Variants in NAGS observed in about 807,000 individuals in gnomAD.
The protein encoded by NAGS is N-acetylglutamate synthase, mitochondrial.
A neutral mutation model predicts 46.9 loss-of-function variants in NAGS; 34 were observed. That is an observed-to-expected ratio of 0.72 (90% confidence interval 0.55 to 0.97). The LOEUF is 0.97. NAGS is among the 50% of genes least tolerant of loss of function. NAGS has a pLI of 0.00. For synonymous variants in NAGS, 334 were observed against 346.3 expected, an observed-to-expected ratio of 0.96 and a Z score of 0.39; for missense variants, 665 against 747.0, an observed-to-expected ratio of 0.89 and a Z score of 1.28.
In NAGS at chr17:44,007,673, C is replaced by T. The variant is rs1368466817; in HGVS notation, c.1351C>T (p.Arg451Cys). The T allele has an allele frequency of 6.2e-7, 1 of 1,603,656 alleles. No homozygotes were observed. Among genetic ancestry groups the T allele is most frequent in the African/African-American group, 1.3e-5 (1 of 74,786 alleles). The part of the protein sequence containing the change: ...YLDKFVVSSS[R>C]QGQGSGQMLW... Reference sequence around the variant, plus strand: ...GGACAAATTTGTGGTGAGCTCCAGCCGCCAGGGCCAAGGCTCCGGCCAGAT... The same window carrying T: ...GGACAAATTTGTGGTGAGCTCCAGCTGCCAGGGCCAAGGCTCCGGCCAGAT... Residue 451 changes from arginine (R) to cysteine (C), a missense_variant, in exon 6 of 7, where the codon CGC (arginine) becomes TGC (cysteine). By Grantham distance (180) the Arg-to-Cys change is radical (BLOSUM62 -3). Coordinates refer to ENST00000293404, the MANE Select transcript of NAGS (RefSeq NM_153006.3). This position sits in a 1 kb window ranked among gnomAD's most constrained non-coding sequence, Gnocchi z 5.1.
Position 44,005,608 on chromosome 17 carries a change from A to C in NAGS, c.427-29A>C. The C allele has an allele frequency of 6.2e-7, 1 of 1,605,540 alleles. No individual in the cohort carries two copies. Among genetic ancestry groups the C allele is most frequent in the Non-Finnish European group, 8.5e-7 (1 of 1,176,930 alleles). On this transcript the variant is annotated intron_variant, in intron 1 of 6. Transcript: ENST00000293404. This position sits in a 1 kb window ranked among gnomAD's most constrained non-coding sequence, Gnocchi z 7.2. ...GGAGCCAGCGGCTCAGGTCCGTGTC[A>C]CGCTCCTTGAAAGCCCACTCCTCCG...
chr17:44,004,911 G>C lies in NAGS; in HGVS notation c.248G>C (p.Ser83Thr). Residue 83 changes from serine to threonine, a missense_variant, in exon 1 of 7, where the codon AGT becomes ACT. By Grantham distance (58) the Ser-to-Thr change is moderately conservative. Transcript: ENST00000293404. Reference protein sequence around the residue: ...PVAEEPSWVPSPRPPVPHESP... With the variant: ...PVAEEPSWVPTPRPPVPHESP... ...GCCGAGGAGCCGTCGTGGGTGCCGAGTCCCAGGCCCCCGGTGCCCCACGAG... is the reference window on the plus strand; with the variant it reads ...GCCGAGGAGCCGTCGTGGGTGCCGACTCCCAGGCCCCCGGTGCCCCACGAG... 1 of 1,534,758 alleles carries C rather than the reference G, an allele frequency of 6.5e-7. No individual in the cohort carries two copies. The highest frequency in any genetic ancestry group is 8.7e-7 in the Non-Finnish European group (1 of 1,146,368).
chr17:44,004,678 G>A lies in NAGS; in HGVS notation c.15G>A (p.Leu5=), dbSNP rs2143978145. MATA[L]MAVVLRAAAV... The stretch of plus-strand genomic sequence containing the variant: ...TGGTTGTCGTCATGGCGACGGCGCT[G>A]ATGGCTGTGGTTCTGCGGGCAGCTG... Residue 5 remains leucine (L), a synonymous_variant, in exon 1 of 7, where the codon CTG becomes CTA. Transcript: ENST00000293404. The A allele has an allele frequency of 2.6e-6, 4 of 1,535,422 alleles. No homozygotes were observed. The highest frequency in any genetic ancestry group is 1.8e-6 in the Non-Finnish European group (2 of 1,139,312).
At chr17:44,008,022 C>T (rs1241332788) in intron 6 of NAGS, among the ~76,000 whole-genome samples, 6 of 152,088 alleles carry the variant, frequency 3.9e-5, no homozygotes, top group African/African-American at 1.4e-4. Context: ...CCTGAGGAAT[C>T]CTAACCCTTC....
chr17:44,007,050 G>A lies in NAGS; in HGVS notation c.1097-273G>A. 5 of 578,176 alleles carry A rather than the reference G, an allele frequency of 8.6e-6. No individual in the cohort carries two copies. The South Asian group carries it at 1.1e-4, about 13-fold the overall frequency. The allele number at this position is 578,176 out of a possible 1,614,324, so 35.8% of individuals were successfully genotyped here. On this transcript the variant is annotated intron_variant, in intron 4 of 6. Coordinates refer to ENST00000293404, the MANE Select transcript of NAGS (RefSeq NM_153006.3). This position sits in a 1 kb window ranked among gnomAD's most constrained non-coding sequence, Gnocchi z 5.1. ...GCTTAGGTGGGTGGGCCGGGTCAGC[G>A]GCGGGAGACAGACTTCAAGGAGCGA...
rs1247832690 is a variant in NAGS at position 44,006,708 on chromosome 17, G to A, written c.1095G>A (p.Lys365=). The stretch of plus-strand genomic sequence containing the variant: ...TGCTCACTGAGCTCTTTAGCAACAA[G>A]GGTGAGGGCGGTGGGCGGGCCGGGG... ...STLLTELFSN[K]GSGTLFKNAE... Residue 365 remains lysine (K), a splice_region_variant and synonymous_variant, in exon 4 of 7, where the codon AAG becomes AAA. Transcript: ENST00000293404. The surrounding 1 kb of genome is among the most constrained non-coding windows in gnomAD (Gnocchi z 4.8). 2 of 1,597,256 alleles carry A rather than the reference G, an allele frequency of 1.3e-6. No homozygotes were observed. Among genetic ancestry groups the A allele is most frequent in the Non-Finnish European group, 1.7e-6 (2 of 1,168,570 alleles).
Position 44,005,500 on chromosome 17 carries a change from G to C in NAGS, c.427-137G>C. The stretch of plus-strand genomic sequence containing the variant: ...ACCCAACGGGGCAAAGGGCGGAGCA[G>C]GTGGGCACTGGTGGCCAGAACTGGG... On this transcript the variant is annotated intron_variant, in intron 1 of 6. Coordinates refer to ENST00000293404, the MANE Select transcript of NAGS (RefSeq NM_153006.3). This position sits in a 1 kb window ranked among gnomAD's most constrained non-coding sequence, Gnocchi z 7.2. The C allele has an allele frequency of 8.3e-7, 1 of 1,203,102 alleles. No homozygotes were observed. The highest frequency in any genetic ancestry group is 1.2e-6 in the Non-Finnish European group (1 of 849,540). The allele number at this position is 1,203,102 out of a possible 1,614,324, so 74.5% of individuals were successfully genotyped here.
Position 44,007,681 on chromosome 17 carries a change from C to A in NAGS, c.1359C>A (p.Gly453=), listed in dbSNP as rs2049113482. ...DKFVVSSSRQ[G]QGSGQMLWEC... is the part of the protein sequence containing the mutation. ...TTGTGGTGAGCTCCAGCCGCCAGGG[C>A]CAAGGCTCCGGCCAGATGCTGTGGG... is the stretch of plus-strand genomic sequence containing the variant. The change falls in exon 6 of 7, where the codon GGC becomes GGA. Residue 453 remains glycine, a synonymous_variant. Transcript: ENST00000293404. The surrounding 1 kb of genome is among the most constrained non-coding windows in gnomAD (Gnocchi z 5.1). The A allele has an allele frequency of 6.2e-7, 1 of 1,604,440 alleles. No individual in the cohort carries two copies. Among genetic ancestry groups the A allele is most frequent in the Admixed American group, 1.7e-5 (1 of 59,112 alleles).
chr17:44,007,239 A>G lies in NAGS; in HGVS notation c.1097-84A>G, dbSNP rs2049105364. ...GTCTCCCAAAGACGGAAATTGTCCCACCAGCGCCTGTCCTACCTGCAGTCC... is the reference window on the plus strand; with the variant it reads ...GTCTCCCAAAGACGGAAATTGTCCCGCCAGCGCCTGTCCTACCTGCAGTCC... On this transcript the variant is annotated intron_variant, in intron 4 of 6. Transcript: ENST00000293404. The surrounding 1 kb of genome is among the most constrained non-coding windows in gnomAD (Gnocchi z 5.1). 2 of 1,355,122 alleles carry G rather than the reference A, an allele frequency of 1.5e-6. No homozygotes were observed. Among genetic ancestry groups the G allele is most frequent in the Non-Finnish European group, 1.0e-6 (1 of 976,206 alleles). The allele number at this position is 1,355,122 out of a possible 1,614,324, so 83.9% of individuals were successfully genotyped here. A position where few individuals can be genotyped will look rare whatever the true frequency, so the allele number is the denominator to read the frequency against.
In NAGS at chr17:44,007,010, GGA is replaced by G. The variant is rs773225042; in HGVS notation, c.1096+306_1096+307del. ...GGACCATAAGGGAGGTGTTCGACCGGGAGAGATGGGCGGGGCTTAGGTGGGTG... is the reference window on the plus strand; with the variant it reads ...GGACCATAAGGGAGGTGTTCGACCGGGAGATGGGCGGGGCTTAGGTGGGTG... On this transcript the variant is annotated intron_variant, in intron 4 of 6. Transcript: ENST00000293404. This position sits in a 1 kb window ranked among gnomAD's most constrained non-coding sequence, Gnocchi z 5.1. 391 of 554,336 alleles carry G rather than the reference GGA, an allele frequency of 7.1e-4. 1 individual carries two copies. Among genetic ancestry groups the G allele is most frequent in the Middle Eastern group, 2.9e-3 (6 of 2,082 alleles). 34.3% of individuals were successfully genotyped at this position (554,336 alleles called of 1,614,324 possible). A position where few individuals can be genotyped will look rare whatever the true frequency, so the allele number is the denominator to read the frequency against.
In NAGS at chr17:44,004,760, T is replaced by C; in HGVS notation, c.97T>C (p.Cys33Arg). The C allele has an allele frequency of 7.1e-7, 1 of 1,414,638 alleles. No individual in the cohort carries two copies. The highest frequency in any genetic ancestry group is 9.2e-7 in the Non-Finnish European group (1 of 1,089,726). The allele number at this position is 1,414,638 out of a possible 1,614,324, so 87.6% of individuals were successfully genotyped here. ...GGTGGARRLS[C>R]GARRRAARGT... is the part of the protein sequence containing the mutation. ...CACTGGGGGCGCCCGAAGGCTGAGC[T>C]GTGGCGCGCGGCGGCGGGCGGCGAG... The change falls in exon 1 of 7, where the codon TGT becomes CGT. Residue 33 changes from cysteine to arginine, a missense_variant. By Grantham distance (180) the Cys-to-Arg change is radical (BLOSUM62 -3). Coordinates refer to ENST00000293404, the MANE Select transcript of NAGS (RefSeq NM_153006.3).
rs1011733609 is a variant in NAGS at position 44,005,677 on chromosome 17, G to A, written c.467G>A (p.Ser156Asn). The A allele has an allele frequency of 3.1e-6, 5 of 1,609,856 alleles. No individual in the cohort carries two copies. Among genetic ancestry groups the A allele is most frequent in the African/African-American group, 2.7e-5 (2 of 74,880 alleles). Residue 156 changes from serine to asparagine, a missense_variant, in exon 2 of 7, where the codon AGT becomes AAT. Physicochemically the swap from Ser to Asn is conservative, Grantham distance 46. Transcript: ENST00000293404. This position sits in a 1 kb window ranked among gnomAD's most constrained non-coding sequence, Gnocchi z 7.2. ...CTCAAGTGCCAGCAGGGCGTATCCA[G>A]TCTGGCCTTTGCCCTGGCCTTCTTG... ...EVLKCQQGVS[S>N]LAFALAFLQR...
rs1567941778 is a variant in NAGS at position 44,004,979 on chromosome 17, A to T, written c.316A>T (p.Ile106Phe). The T allele has an allele frequency of 1.9e-6, 3 of 1,543,160 alleles. No homozygotes were observed. The highest frequency in any genetic ancestry group is 1.2e-5 in the South Asian group (1 of 84,432). ...PSGRSLVQRD[I>F]QAFLNQCGAS... ...GGGCCGCTCGCTGGTGCAGCGGGAC[A>T]TCCAGGCCTTCCTGAACCAGTGCGG... Residue 106 changes from isoleucine (I) to phenylalanine (F), a missense_variant, in exon 1 of 7, where the codon ATC (isoleucine) becomes TTC (phenylalanine). By Grantham distance (21) the Ile-to-Phe change is conservative. Coordinates refer to ENST00000293404, the MANE Select transcript of NAGS (RefSeq NM_153006.3).
Position 44,008,871 on chromosome 17 carries a change from G to T in NAGS, c.*270G>T. On this transcript the variant is annotated 3_prime_UTR_variant, in exon 7 of 7. Coordinates refer to ENST00000293404, the MANE Select transcript of NAGS (RefSeq NM_153006.3). ...GATTTTCAACCTGGGGATTAGGGGA[G>T]GGGAGGGTGCCTTCCAGGGCTCTAC... The T allele has an allele frequency of 3.7e-6, 2 of 540,760 alleles. No homozygotes were observed. Among genetic ancestry groups the T allele is most frequent in the Non-Finnish European group, 3.3e-6 (1 of 299,818 alleles). The allele number at this position is 540,760 out of a possible 1,614,324, so 33.5% of individuals were successfully genotyped here.
At position 44,006,817 on chromosome 17, in the gene NAGS, G is replaced by A; in HGVS notation, c.1096+108G>A. The A allele has an allele frequency of 8.4e-7, 1 of 1,194,656 alleles. No homozygotes were observed. Among genetic ancestry groups the A allele is most frequent in the Non-Finnish European group, 1.1e-6 (1 of 870,578 alleles). The allele number at this position is 1,194,656 out of a possible 1,614,324, so 74.0% of individuals were successfully genotyped here. ...CTTCTCCTCCTGTCCAGGAGCCGTA[G>A]GGGGAGGCGGGGGGTGTCACAGCAA... On this transcript the variant is annotated intron_variant, in intron 4 of 6. Coordinates refer to ENST00000293404, the MANE Select transcript of NAGS (RefSeq NM_153006.3). This position sits in a 1 kb window ranked among gnomAD's most constrained non-coding sequence, Gnocchi z 4.8.
In NAGS at chr17:44,005,886, G is replaced by A; in HGVS notation, c.676G>A (p.Ala226Thr). ...TTTTGGCGGCGGGTCTGTGCTACGC[G>A]CTGCCGAGCCGGCTCCCCATGCCAG... ...PFFGGGSVLR[A>T]AEPAPHASYG... Residue 226 changes from alanine (A) to threonine (T), a missense_variant, in exon 2 of 7, where the codon GCT becomes ACT. Transcript: ENST00000293404. The surrounding 1 kb of genome is among the most constrained non-coding windows in gnomAD (Gnocchi z 7.2). 6.5e-7 allele frequency: 1 copy of A among 1,548,056 alleles called. No individual in the cohort carries two copies. Among genetic ancestry groups the A allele is most frequent in the South Asian group, 1.2e-5 (1 of 84,526 alleles).
In NAGS at chr17:44,006,026, A is replaced by C; in HGVS notation, c.704A>C (p.Tyr235Ser). ...RAAEPAPHAS[Y>S]GGIVSVETDL... ...CGAGCACCACGTCTGGCCCACAGCT[A>C]CGGCGGCATCGTCTCGGTGGAGACA... Residue 235 changes from tyrosine to serine, a missense_variant and splice_region_variant, in exon 3 of 7, where the codon TAC (tyrosine) becomes TCC (serine). Tyr to Ser is a moderately radical substitution (Grantham distance 144). Transcript: ENST00000293404. This position sits in a 1 kb window ranked among gnomAD's most constrained non-coding sequence, Gnocchi z 4.8. The C allele has an allele frequency of 6.3e-7, 1 of 1,598,956 alleles. No individual in the cohort carries two copies.
Position 44,005,852 on chromosome 17 carries a change from T to G in NAGS, c.642T>G (p.Ala214=), listed in dbSNP as rs773722033. The change falls in exon 2 of 7, where the codon GCT becomes GCG. Residue 214 remains alanine, a synonymous_variant. Transcript: ENST00000293404. This position sits in a 1 kb window ranked among gnomAD's most constrained non-coding sequence, Gnocchi z 7.2. The stretch of plus-strand genomic sequence containing the variant: ...CGCTTCGACACAACGCCGCCGCTGC[T>G]GTGCCATTTTTTGGCGGCGGGTCTG... The part of the protein sequence containing the change: ...VDALRHNAAA[A]VPFFGGGSVL... 1 of 1,561,778 alleles carries G rather than the reference T, an allele frequency of 6.4e-7. No homozygotes were observed. The highest frequency in any genetic ancestry group is 1.2e-5 in the South Asian group (1 of 85,104).
intron 6 of NAGS, 136 bp from the exon 7 acceptor site, chr17:44,008,307 GAGATA>G: frequency 1.5e-6 from 1 of 660,730 alleles, no homozygotes; most frequent in Non-Finnish European, 2.7e-6. Flanking sequence ...AGGATAAAAT[GAGATA>G]ACACACAGCA....
Sources: allele counts gnomAD v4.1 joint callset (sites outside exome capture counted in the v4.1 genomes callset), GRCh38; gene constraint gnomAD v4.1.1; non-coding constraint Gnocchi (gnomAD v3.1); transcripts MANE v1.5; gene names NCBI Gene and HGNC (gene_info 2026-07-23, HGNC 2026-07-21).